Variants in MAP2K1 observed in about 807,000 individuals in gnomAD.
The protein encoded by MAP2K1 is mitogen-activated protein kinase kinase 1.
In MAP2K1, 16 loss-of-function variants were observed where a neutral mutation model predicts 46.3. The ratio of observed to expected loss-of-function variants is 0.35; its 90% CI spans 0.23 to 0.52. MAP2K1 has a LOEUF of 0.52. Among genes scored for constraint, MAP2K1 ranks in the 20% least tolerant of loss-of-function variants. MAP2K1 has a pLI of 0.94. For synonymous variants in MAP2K1, 183 were observed against 185.6 expected (o/e 0.99, Z 0.11); for missense variants, 263 against 497.1 (o/e 0.53, Z 4.48).
At chr15:66,437,584 G>A (rs1245809881) in intron 3 of MAP2K1, among the ~76,000 whole-genome samples, 1 of 152,154 alleles carries the variant, frequency 6.6e-6, no homozygotes, top group Non-Finnish European at 1.5e-5. Context: ...GTCCAGTATT[G>A]TGTCTCTCAG....
rs1893258104 is a variant in MAP2K1, at chr15:66,491,523, A to T, written c.*908A>T. On this transcript the variant is annotated 3_prime_UTR_variant, in exon 11 of 11. Coordinates refer to ENST00000307102, the MANE Select transcript of MAP2K1 (RefSeq NM_002755.4). ...TATTCTAATAAATATACTATGAAATAAAAAAAAAAGGATGAAAGCTACTTT... is the reference window on the plus strand; with the variant it reads ...TATTCTAATAAATATACTATGAAATTAAAAAAAAAGGATGAAAGCTACTTT... 2 of 172,786 alleles carry T rather than the reference A, an allele frequency of 1.2e-5. No homozygotes were observed. The highest frequency in any genetic ancestry group is 1.1e-4 in the East Asian group (1 of 9,112). 10.7% of individuals were successfully genotyped at this position (172,786 alleles called of 1,614,324 possible). A position where few individuals can be genotyped will look rare whatever the true frequency, so the allele number is the denominator to read the frequency against.
intron 5 of MAP2K1, among the ~76,000 whole-genome samples, chr15:66,453,292 C>T (rs1318774974): frequency 6.6e-6 from 1 of 152,186 alleles, no homozygotes; most frequent in Non-Finnish European, 1.5e-5. Flanking sequence ...CCAATTGTTG[C>T]TCTTTGGCAT....
chr15:66,465,017 G>T (rs894286923), intron 5 of MAP2K1, among the ~76,000 whole-genome samples: 1 of 151,496 alleles, frequency 6.6e-6, no homozygotes, highest in Non-Finnish European at 1.5e-5. Context: ...GAGGTCAGGA[G>T]TTCAAGACCA....
chr15:66,407,297 A>G (rs2093399871), intron 1 of MAP2K1, among the ~76,000 whole-genome samples: 1 of 151,886 alleles, frequency 6.6e-6, no homozygotes, highest in Non-Finnish European at 1.5e-5. Context: ...TCCCAATCCT[A>G]TTTTGAATAT....
intron 5 of MAP2K1, among the ~76,000 whole-genome samples, chr15:66,471,067 A>G (rs1892621711): frequency 2.6e-5 from 4 of 152,286 alleles, no homozygotes; most frequent in Admixed American, 2.6e-4. Context: ...GCAATCAGAT[A>G]CGCATTTATC....
chr15:66,470,090 T>C (rs1182266749), intron 5 of MAP2K1, among the ~76,000 whole-genome samples: 1 of 114,556 alleles, frequency 8.7e-6, no homozygotes, highest in Non-Finnish European at 1.7e-5. Context: ...CACTTTTTTT[T>C]CTTGTTTTTT....
chr15:66,473,840 G>A (rs1892695868), intron 5 of MAP2K1, among the ~76,000 whole-genome samples: 1 of 152,034 alleles, frequency 6.6e-6, no homozygotes, highest in African/African-American at 2.4e-5. Context: ...ACCATGCCTG[G>A]ATAATTTTTT....
intron 1 of MAP2K1, among the ~76,000 whole-genome samples, chr15:66,433,991 G>C (rs373809378): frequency 6.6e-6 from 1 of 152,204 alleles, no homozygotes; most frequent in Non-Finnish European, 1.5e-5. Context: ...ATACCCACTC[G>C]CTTCAGCACC....
intron 5 of MAP2K1, among the ~76,000 whole-genome samples, chr15:66,465,366 C>T (rs186861809): frequency 2.0e-5 from 3 of 152,200 alleles, no homozygotes; most frequent in East Asian, 1.9e-4. Context: ...GGGTTGTGAT[C>T]GATTGAGCAA....
chr15:66,406,732 T>G (rs1440192544), intron 1 of MAP2K1, among the ~76,000 whole-genome samples: 1 of 152,144 alleles, frequency 6.6e-6, no homozygotes, highest in East Asian at 1.9e-4. Flanking sequence ...GAAAGGACTT[T>G]AAAGATGGTG....
chr15:66,466,657 G>A (rs1260621865), intron 5 of MAP2K1, among the ~76,000 whole-genome samples: 1 of 152,076 alleles, frequency 6.6e-6, no homozygotes, highest in Non-Finnish European at 1.5e-5. Flanking sequence ...TCCAGCCTGG[G>A]CAACAGAGCG....
chr15:66,444,857 G>C, intron 5 of MAP2K1, 150 bp downstream of exon 5: 1 of 702,442 alleles, frequency 1.4e-6, no homozygotes, highest in South Asian at 1.7e-5. Context: ...TAGTTTGGTG[G>C]CTGAGGCAGC....
At chr15:66,445,207 T>A (rs1891834795) in intron 5 of MAP2K1, among the ~76,000 whole-genome samples, 1 of 151,956 alleles carries the variant, frequency 6.6e-6, no homozygotes, top group African/African-American at 2.4e-5. Flanking sequence ...TGACCCAACA[T>A]GGTGAAACCC....
intron 1 of MAP2K1, among the ~76,000 whole-genome samples, chr15:66,404,791 G>C (rs971390582): frequency 6.6e-6 from 1 of 152,042 alleles, no homozygotes; most frequent in Non-Finnish European, 1.5e-5. Context: ...CGGAAATGGT[G>C]AGCGGAAATC....
At chr15:66,406,889 G>A (rs1301900358) in intron 1 of MAP2K1, among the ~76,000 whole-genome samples, 1 of 152,134 alleles carries the variant, frequency 6.6e-6, no homozygotes, top group Non-Finnish European at 1.5e-5. Context: ...AAAATTAGCC[G>A]GGCGTGGTGG....
In MAP2K1 at chr15:66,387,477, A is replaced by T. The variant is rs1285013548; in HGVS notation, c.80+50A>T. On this transcript the variant is annotated intron_variant, in intron 1 of 10. Coordinates refer to ENST00000307102, the MANE Select transcript of MAP2K1 (RefSeq NM_002755.4). ...CTCGGGGCCCGGCTGGGGAGGCCCG[A>T]GCCGGGGAGCAGGAGCGCGCGCCAG... 7.9e-6 allele frequency: 12 copies of T among 1,528,346 alleles called. No homozygotes were observed. In the African/African-American group the frequency reaches 1.7e-4, roughly 21 times the overall value. 94.7% of individuals were successfully genotyped at this position (1,528,346 alleles called of 1,614,324 possible).
chr15:66,479,996 C>T (rs896114118), intron 5 of MAP2K1, among the ~76,000 whole-genome samples: 2 of 152,042 alleles, frequency 1.3e-5, no homozygotes, highest in African/African-American at 4.8e-5. Flanking sequence ...CCTCTGCCTC[C>T]CAGGTTCAAG....
intron 5 of MAP2K1, among the ~76,000 whole-genome samples, chr15:66,464,501 G>GGAAAA (rs55939297): frequency 0.056 from 8,531 of 152,194 alleles, 340 homozygotes; most frequent in Middle Eastern, 0.11. Context: ...ATGGGAAAAA[G>GGAAAA]GAAAAGAAAT....
intron 4 of MAP2K1, among the ~76,000 whole-genome samples, 192 bp from the exon 5 acceptor site, chr15:66,444,464 T>C (rs1234700288): frequency 6.8e-6 from 1 of 146,750 alleles, no homozygotes; most frequent in Non-Finnish European, 1.5e-5. Context: ...ACCCGGGAGG[T>C]GGAGGTTGTG....
Sources: allele counts gnomAD v4.1 joint callset (sites outside exome capture counted in the v4.1 genomes callset), GRCh38; gene constraint gnomAD v4.1.1; transcripts MANE v1.5; gene names NCBI Gene and HGNC (gene_info 2026-07-23, HGNC 2026-07-21).